The following BRCA1 variants were observed in gnomAD, a reference collection of about 807,000 sequenced individuals.
BRCA1 encodes BRCA1 DNA repair associated.
BRCA1 carries 140 observed loss-of-function variants against 173.7 expected under a neutral mutation model. The ratio of observed to expected loss-of-function variants is 0.81; its 90% confidence interval spans 0.70 to 0.93. BRCA1 has a LOEUF of 0.93. Among genes scored for constraint, BRCA1 ranks in the 40% least tolerant of loss-of-function variants. The pLI, the probability that BRCA1 is intolerant of heterozygous loss-of-function variation, is 0.00. For synonymous variants in BRCA1, 662 were observed against 756.0 expected (o/e 0.88, Z 2.04); for missense variants, 1,983 against 2,172.5 (o/e 0.91, Z 1.73).
chr17:43,128,863 G>C (rs1255317141), upstream of BRCA1, among the ~76,000 whole-genome samples: 1 of 146,140 alleles, frequency 6.8e-6, no homozygotes, highest in African/African-American at 2.6e-5. Flanking sequence ...TCAAAGACCA[G>C]CCCAGGCTGG....
intron 1 of BRCA1, chr17:43,165,905 A>C (rs1021224717): frequency 5.3e-5 from 8 of 151,990 alleles, no homozygotes; most frequent in Admixed American, 2.6e-4. Context: ...GTGCACATGT[A>C]CCCTAAAACT....
intron 4 of BRCA1, among the ~76,000 whole-genome samples, chr17:43,105,662 G>C (rs1015351311): frequency 6.6e-6 from 1 of 152,240 alleles, no homozygotes. Context: ...TGTCCAAAGG[G>C]AGATTTGGGT....
Position 43,049,139 on chromosome 17 carries a change from T to C in BRCA1, c.5388A>G (p.Ser1796=), listed in dbSNP as rs373810778. ...TACTTACTGTGCCAAGGGTGAATGATGAAAGCTCCTTCACCACAGAAGCAC... is the reference window on the plus strand; with the variant it reads ...TACTTACTGTGCCAAGGGTGAATGACGAAAGCTCCTTCACCACAGAAGCAC... ...LCGASVVKEL[S]SFTLGTGVHP... The change falls in exon 21 of 23, where the codon TCA becomes TCG. Residue 1796 remains serine (S), a synonymous_variant. Transcript: ENST00000357654. 2.5e-6 allele frequency: 4 copies of C among 1,614,126 alleles called. No individual in the cohort carries two copies. Among genetic ancestry groups the C allele is most frequent in the East Asian group, 2.2e-5 (1 of 44,884 alleles).
intron 1 of BRCA1, among the ~76,000 whole-genome samples, chr17:43,146,838 T>C (rs4793211): frequency 0.11 from 16,098 of 152,126 alleles, 2,640 homozygotes; most frequent in African/African-American, 0.35. Flanking sequence ...GGATTCAACA[T>C]CCCTGGGATA....
At chr17:43,123,349 G>GTTTTTTTTTTTTT (rs149379936) in intron 2 of BRCA1, among the ~76,000 whole-genome samples, 4 of 85,166 alleles carry the variant, frequency 4.7e-5, no homozygotes, top group East Asian at 3.6e-4. Context: ...GATCATCCAT[G>GTTTTTTTTTTTTT]TTTTTTTTTT....
At chr17:43,124,779 GAC>G (rs1021423445) in intron 1 of BRCA1, 2 of 231,376 alleles carry the variant, frequency 8.6e-6, no homozygotes, top group African/African-American at 4.6e-5. Flanking sequence ...TTTGTTTTGA[GAC>G]AGTCTCGCTC....
chr17:43,045,567 G>A lies in BRCA1; in HGVS notation c.*111C>T. On this transcript the variant is annotated 3_prime_UTR_variant, in exon 23 of 23. Coordinates refer to ENST00000357654, the MANE Select transcript of BRCA1 (RefSeq NM_007294.4). ...GCTGATGTACATAAAATATTTAGTA[G>A]CCAGGACAGTAGAAGGACTGAAGAG... is the stretch of plus-strand genomic sequence containing the variant. 6.8e-7 allele frequency: 1 copy of A among 1,469,966 alleles called. No individual in the cohort carries two copies. Among genetic ancestry groups the A allele is most frequent in the South Asian group, 1.2e-5 (1 of 84,732 alleles). The allele number at this position is 1,469,966 out of a possible 1,614,324, so 91.1% of individuals were successfully genotyped here. A position where few individuals can be genotyped will look rare whatever the true frequency, so the allele number is the denominator to read the frequency against.
intron 11 of BRCA1, among the ~76,000 whole-genome samples, chr17:43,083,857 ATTTAT>A (rs1004099598): frequency 3.9e-5 from 6 of 152,052 alleles, no homozygotes; most frequent in African/African-American, 9.7e-5. Context: ...CTTCTTAAGA[ATTTAT>A]TTTATTTATT....
At chr17:43,106,410 C>A in intron 4 of BRCA1, 46 bp downstream of exon 4, 1 of 1,252,070 alleles carries the variant, frequency 8.0e-7, no homozygotes, top group South Asian at 1.3e-5. Context: ...TCTACTTTTT[C>A]CTACTGTGGT....
chr17:43,154,235 C>T (rs1321254493), intron 1 of BRCA1, among the ~76,000 whole-genome samples: 1 of 151,596 alleles, frequency 6.6e-6, no homozygotes, highest in Non-Finnish European at 1.5e-5. Context: ...CTTGTAATCC[C>T]AGCACTTCGG....
In BRCA1 at chr17:43,149,109, T is replaced by TC. The variant is rs558326150; in HGVS notation, c.-20+21016dup. On this transcript the variant is annotated intron_variant, in intron 1 of 7. Transcript: ENST00000634433. The stretch of plus-strand genomic sequence containing the variant: ...ACCCAATTAACTTTTTTACTTTTTT[T>TC]CCCCCCCGAGACAGAGTCTTGCCCT... Among the ~76,000 whole-genome samples the TC allele has an allele frequency of 7.0e-4, 106 of 151,094 alleles. 1 individual carries two copies. In the South Asian group the frequency reaches 0.019, roughly 28 times the overall value.
intron 22 of BRCA1, among the ~76,000 whole-genome samples, chr17:43,046,438 C>T (rs968215877): frequency 6.6e-6 from 1 of 151,094 alleles, no homozygotes; most frequent in African/African-American, 2.4e-5. Context: ...CACTCTGTCA[C>T]TCAGGCTGGA....
intron 19 of BRCA1, among the ~76,000 whole-genome samples, chr17:43,053,225 A>G (rs2051324545): frequency 6.6e-6 from 1 of 152,130 alleles, no homozygotes. Context: ...ACCTGTTGAT[A>G]GGACCTGCAT....
chr17:43,058,863 A>C (rs1184537180), intron 18 of BRCA1, among the ~76,000 whole-genome samples: 1 of 152,242 alleles, frequency 6.6e-6, no homozygotes, highest in Non-Finnish European at 1.5e-5. Flanking sequence ...AGAATAAAGA[A>C]TAATGAGACT....
At position 43,044,711 on chromosome 17, in the gene BRCA1, T is replaced by C. The variant is rs1269984918; in HGVS notation, c.*967A>G. 3.9e-6 allele frequency: 2 copies of C among 506,344 alleles called. No individual in the cohort carries two copies. The highest frequency in any genetic ancestry group is 3.1e-5 in the South Asian group (2 of 64,764). The allele number at this position is 506,344 out of a possible 1,614,324, so 31.4% of individuals were successfully genotyped here. A position where few individuals can be genotyped will look rare whatever the true frequency, so the allele number is the denominator to read the frequency against. On this transcript the variant is annotated 3_prime_UTR_variant, in exon 23 of 23. Coordinates refer to ENST00000357654, the MANE Select transcript of BRCA1 (RefSeq NM_007294.4). ...TTAGAAGACTGTCTTTGGAAACCGG[T>C]TCTTGAAAATCTTCTGCTGTTTTAG...
intron 1 of BRCA1, among the ~76,000 whole-genome samples, chr17:43,169,658 A>G (rs1170325911): frequency 7.5e-6 from 1 of 133,390 alleles, no homozygotes; most frequent in Non-Finnish European, 1.6e-5. Context: ...CGCCCCTCGC[A>G]TAAGAATACC....
At chr17:43,060,312 G>A (rs1241251682) in intron 18 of BRCA1, among the ~76,000 whole-genome samples, 1 of 152,020 alleles carries the variant, frequency 6.6e-6, no homozygotes, top group African/African-American at 2.4e-5. Flanking sequence ...AAAGTGCTGG[G>A]ATTACAGGAA....
intron 1 of BRCA1, chr17:43,145,321 T>C (rs374940669): frequency 2.1e-6 from 1 of 467,354 alleles, no homozygotes; most frequent in Middle Eastern, 3.9e-4. Flanking sequence ...GAGGAATTTT[T>C]TTTCTTTCTT....
chr17:43,095,587 A>AAAAC lies in BRCA1; in HGVS notation c.670+255_670+258dup, dbSNP rs375172267. Among the ~76,000 whole-genome samples the AAAAC allele has an allele frequency of 4.0e-5, 6 of 151,534 alleles. No individual in the cohort carries two copies. The South Asian group carries it at 1.0e-3, about 26-fold the overall frequency. ...ACAGAGTGAGACCCCATCTCAAAAAAAAACAAACAAACAAACAAAAAAAAA... is the reference window on the plus strand; with the variant it reads ...ACAGAGTGAGACCCCATCTCAAAAAAAAACAAACAAACAAACAAACAAAAAAAAA... On this transcript the variant is annotated intron_variant, in intron 9 of 22. Coordinates refer to ENST00000357654, the MANE Select transcript of BRCA1 (RefSeq NM_007294.4).
Sources: gnomAD v4.1 joint callset for allele counts (sites outside exome capture counted in the v4.1 genomes callset) on GRCh38, gnomAD v4.1.1 for gene constraint, MANE v1.5 for transcripts, NCBI Gene and HGNC (gene_info 2026-07-23, HGNC 2026-07-21) for gene names.